The following NLRP7 variants were observed in gnomAD, a reference collection of about 807,000 sequenced individuals.
NLRP7 encodes NACHT, LRR and PYD domains-containing protein 7.
NLRP7 carries 72 observed loss-of-function variants against 85.5 expected under a neutral mutation model. The observed-to-expected ratio is 0.84, with a 90% CI of 0.70 to 1.02. The LOEUF (loss-of-function observed/expected upper bound fraction) is 1.02, where lower values mean the gene tolerates loss of function less well. Among genes scored for constraint, NLRP7 ranks in the 50% least tolerant of loss-of-function variants. The pLI, the probability that NLRP7 is intolerant of heterozygous loss-of-function variation, is 0.00. For synonymous variants in NLRP7, 550 were observed against 505.2 expected, an observed-to-expected ratio of 1.09 and a Z score of -1.19; for missense variants, 1,243 against 1,219.5, an observed-to-expected ratio of 1.02 and a Z score of -0.29.
At chr19:54,937,000 C>T (rs977700995) in intron 5 of NLRP7, among the ~76,000 whole-genome samples, 37 of 151,452 alleles carry the variant, frequency 2.4e-4, no homozygotes, top group Admixed American at 1.7e-3. Context: ...GGGTGGATCA[C>T]GAGGTCAGGA....
chr19:54,941,717 T>C (rs1569541089), exon 2 of NLRP7: 2 of 1,611,672 alleles, frequency 1.2e-6, no homozygotes, highest in Non-Finnish European at 1.7e-6. Context: ...GTCATAGTGC[T>C]CCGAGTATGA....
chr19:54,951,552 AAAAAACAAAAAAC>A (rs982904818), upstream of NLRP7, among the ~76,000 whole-genome samples: 4 of 151,966 alleles, frequency 2.6e-5, no homozygotes, highest in African/African-American at 7.3e-5. Flanking sequence ...ACTCCATCTC[AAAAAACAAAAAAC>A]AAAAACAAAA....
intron 6 of NLRP7, among the ~76,000 whole-genome samples, chr19:54,935,154 T>A (rs775875): frequency 0.36 from 55,177 of 151,902 alleles, 11,149 homozygotes; most frequent in African/African-American, 0.53. Context: ...ATCCAGCCAC[T>A]TCTCCAAGAG....
chr19:54,941,361 G>T, intron 2 of NLRP7, 74 bp downstream of exon 2: 1 of 1,064,886 alleles, frequency 9.4e-7, no homozygotes, highest in Non-Finnish European at 1.4e-6. Context: ...CAGCCTGGGC[G>T]ACAGAACGAG....
chr19:54,927,005 G>A (rs1474181195), intron 9 of NLRP7, among the ~76,000 whole-genome samples: 2 of 150,466 alleles, frequency 1.3e-5, no homozygotes, highest in African/African-American at 2.4e-5. Context: ...CAGGAAAATC[G>A]CTTCAACCTG....
chr19:54,943,478 G>A (rs1365577725), intron 1 of NLRP7, among the ~76,000 whole-genome samples: 3 of 151,866 alleles, frequency 2.0e-5, no homozygotes, highest in Admixed American at 2.0e-4. Context: ...GCGGGCGCCT[G>A]TAGTCCCAGC....
intron 8 of NLRP7, among the ~76,000 whole-genome samples, chr19:54,931,081 T>C (rs569364258): frequency 6.6e-6 from 1 of 152,114 alleles, no homozygotes; most frequent in Non-Finnish European, 1.5e-5. Context: ...CAGGTAGGAA[T>C]TGACCCATGA....
At chr19:54,940,005 C>G in exon 4 of NLRP7, 1 of 1,614,168 alleles carries the variant, frequency 6.2e-7, no homozygotes, top group East Asian at 2.2e-5. Context: ...TTCTCCCAGT[C>G]CCCGCAGATG....
chr19:54,941,332 G>A, intron 2 of NLRP7, 103 bp downstream of exon 2: 2 of 842,244 alleles, frequency 2.4e-6, no homozygotes, highest in South Asian at 2.8e-5. Context: ...TCTCGCCACT[G>A]CACTCCAGCC....
intron 1 of NLRP7, among the ~76,000 whole-genome samples, chr19:54,947,044 G>A (rs1299564906): frequency 1.3e-5 from 2 of 152,178 alleles, no homozygotes; most frequent in East Asian, 3.9e-4. Flanking sequence ...AAGACATTAG[G>A]CCAGGCGTGG....
Position 54,933,576 on chromosome 19 carries a change from T to TGTTTACACAATTGTACC in NLRP7, c.2634_2635insGGTACAATTGTGTAAAC (p.Thr879GlyfsTer5). The TGTTTACACAATTGTACC allele has an allele frequency of 1.2e-6, 2 of 1,614,126 alleles. No individual in the cohort carries two copies. The highest frequency in any genetic ancestry group is 2.7e-5 in the African/African-American group (2 of 75,026). On this transcript the variant is annotated stop_gained and frameshift_variant, in exon 8 of 10. Transcript: ENST00000340844. LOFTEE classifies it high-confidence loss of function. ...CACCCAGCAGGGACTTACACCAAGG[T>TGTTTACACAATTGTACC]CTGCAGTTTACAATCAGGGTAACTC...
chr19:54,961,340 G>A (rs112974037), intron 1 of NLRP7, among the ~76,000 whole-genome samples: 11,537 of 151,794 alleles, frequency 0.076, 673 homozygotes, highest in African/African-American at 0.15. Flanking sequence ...GTGAAACCCC[G>A]TGTCTACTAA....
chr19:54,941,809 T>A, intron 1 of NLRP7, 59 bp from the exon 2 acceptor site: 2 of 1,279,296 alleles, frequency 1.6e-6, no homozygotes, highest in Admixed American at 2.5e-5. Context: ...AAACCACAGT[T>A]TCCTGTGTGC....
At chr19:54,924,432 G>A (rs2068347752) in intron 9 of NLRP7, among the ~76,000 whole-genome samples, 1 of 152,140 alleles carries the variant, frequency 6.6e-6, no homozygotes, top group South Asian at 2.1e-4. Flanking sequence ...AGGCCAGCCT[G>A]GGCAACACGG....
rs544869622 is a variant in NLRP7, at chr19:54,962,331, G to T, written c.-77+3709C>A. Among the ~76,000 whole-genome samples the T allele has an allele frequency of 8.8e-4, 124 of 140,660 alleles. 3 individuals are homozygous for T. The South Asian group carries it at 0.029, about 33-fold the overall frequency. 92.3% of individuals were successfully genotyped at this position (140,660 alleles called of 152,430 possible). ...TGCCCAGGCTGGAGTGCAATGGCAC[G>T]ATCTCAGCTCACTGCAACCTCTGCC... is the stretch of plus-strand genomic sequence containing the variant. On this transcript the variant is annotated intron_variant, in intron 1 of 2. Coordinates refer to the NLRP7 transcript ENST00000587103.
intron 1 of NLRP7, among the ~76,000 whole-genome samples, chr19:54,958,928 T>C (rs942097027): frequency 2.6e-5 from 4 of 152,044 alleles, no homozygotes; most frequent in African/African-American, 9.7e-5. Flanking sequence ...GCACTGCTGG[T>C]CAGAGAGAAA....
intron 1 of NLRP7, among the ~76,000 whole-genome samples, chr19:54,962,438 T>C (rs892839860): frequency 8.0e-5 from 12 of 150,870 alleles, no homozygotes; most frequent in South Asian, 2.1e-4. Flanking sequence ...TGGCTAATTT[T>C]TTGTGTATTT....
At chr19:54,930,579 C>G in exon 9 of NLRP7, 1 of 1,612,202 alleles carries the variant, frequency 6.2e-7, no homozygotes. Flanking sequence ...GGTTGATACT[C>G]AAGTCCAGGT....
At chr19:54,940,863 G>T in intron 3 of NLRP7, 68 bp downstream of exon 3, 1 of 961,558 alleles carries the variant, frequency 1.0e-6, no homozygotes. Context: ...AATAAAACCA[G>T]GAAGAAGTGA....
Sources: gnomAD v4.1 joint callset for allele counts (sites outside exome capture counted in the v4.1 genomes callset) on GRCh38, gnomAD v4.1.1 for gene constraint, MANE v1.5 for transcripts, NCBI Gene and HGNC (gene_info 2026-07-23, HGNC 2026-07-21) for gene names.